Variants in RTL4 observed in about 807,000 individuals in gnomAD.
The protein encoded by RTL4 is retrotransposon Gag-like protein 4.
Under a neutral mutation model 5.3 loss-of-function variants are expected in RTL4, and 4 were observed. The observed-to-expected ratio is 0.75, with a 90% CI of 0.37 to 1.72. The LOEUF (loss-of-function observed/expected upper bound fraction) is 1.72. RTL4 is among the 40% of genes most tolerant of loss of function. RTL4 has a pLI of 0.04. For missense variants in RTL4, 260 were observed against 227.1 expected (o/e 1.14, Z -0.93); for synonymous variants, 98 against 87.3 (o/e 1.12, Z -0.68).
the RTL4 span, among the ~76,000 whole-genome samples, chrX:112,272,071 G>A: frequency 1.8e-5 from 2 of 111,752 alleles, no homozygotes; most frequent in Non-Finnish European, 3.8e-5. Flanking sequence ...AATTTCGAAT[G>A]TACAATACTG....
chrX:112,198,391 G>A, the RTL4 span, among the ~76,000 whole-genome samples: 1 of 111,392 alleles, frequency 9.0e-6, no homozygotes. Flanking sequence ...TAGGCTCCCA[G>A]TAAACATTTG....
chrX:112,249,882 G>A, the RTL4 span, among the ~76,000 whole-genome samples: 1 of 109,413 alleles, frequency 9.1e-6, no homozygotes, highest in Non-Finnish European at 1.9e-5. Context: ...ACAGAGATAA[G>A]TATTCTTGTA....
At chrX:112,452,759 C>T (rs1233123788), upstream of RTL4, among the ~76,000 whole-genome samples, 8 of 111,565 alleles carry the variant, frequency 7.2e-5, no homozygotes, top group East Asian at 2.9e-4. Context: ...TGGCCAGGTG[C>T]GGTGGCTCAC....
At chrX:112,124,447 A>T in the RTL4 span, among the ~76,000 whole-genome samples, 51 of 111,015 alleles carry the variant, frequency 4.6e-4, no homozygotes, top group African/African-American at 1.6e-3. Flanking sequence ...TAGACTGGAT[A>T]AAAAAAAATG....
At chrX:112,110,723 C>A in the RTL4 span, among the ~76,000 whole-genome samples, 6 of 112,080 alleles carry the variant, frequency 5.4e-5, no homozygotes, top group African/African-American at 1.3e-4. Context: ...TGAGTGCTAA[C>A]AGCTCTCACG....
chrX:112,436,426 C>T, the RTL4 span, among the ~76,000 whole-genome samples: 9 of 111,172 alleles, frequency 8.1e-5, no homozygotes, highest in East Asian at 8.5e-4. Flanking sequence ...AAAGTTCCAG[C>T]GCCTCGCCTT....
At chrX:112,150,752 C>T in the RTL4 span, among the ~76,000 whole-genome samples, 1 of 112,027 alleles carries the variant, frequency 8.9e-6, no homozygotes. Flanking sequence ...GATGGAATTC[C>T]GGTTAAATAA....
chrX:112,212,368 T>A, the RTL4 span, among the ~76,000 whole-genome samples: 1 of 110,916 alleles, frequency 9.0e-6, no homozygotes, highest in Non-Finnish European at 1.9e-5. Flanking sequence ...AGAGCGAGAC[T>A]CCGTCTCAAA....
At chrX:112,143,402 G>A in the RTL4 span, among the ~76,000 whole-genome samples, 1 of 111,279 alleles carries the variant, frequency 9.0e-6, no homozygotes. Flanking sequence ...TGATCACCTT[G>A]TGGGTTTTGC....
the RTL4 span, among the ~76,000 whole-genome samples, chrX:112,212,243 G>A: frequency 9.0e-6 from 1 of 111,359 alleles, no homozygotes; most frequent in East Asian, 2.9e-4. Context: ...CAGGCATGGT[G>A]GCGGGCGCCT....
the RTL4 span, among the ~76,000 whole-genome samples, chrX:112,148,323 A>G: frequency 1.1e-5 from 1 of 93,781 alleles, no homozygotes; most frequent in East Asian, 3.2e-4. Context: ...CATGTGACTG[A>G]GTGCAAAAAA....
At chrX:112,449,028 A>T in the RTL4 span, among the ~76,000 whole-genome samples, 2 of 111,903 alleles carry the variant, frequency 1.8e-5, no homozygotes, top group African/African-American at 6.5e-5. Context: ...TGTTCATGAC[A>T]CTTTTAACTT....
chrX:112,091,954 C>T, the RTL4 span, among the ~76,000 whole-genome samples: 19 of 111,377 alleles, frequency 1.7e-4, no homozygotes, highest in African/African-American at 6.2e-4. Flanking sequence ...TTAATTGACC[C>T]TTTTACCAAT....
the RTL4 span, among the ~76,000 whole-genome samples, chrX:112,197,071 G>A: frequency 9.8e-6 from 1 of 102,543 alleles, no homozygotes; most frequent in Non-Finnish European, 2.0e-5. Flanking sequence ...GAATTGCCTA[G>A]TCAGGTCCTT....
chrX:112,354,003 C>A, the RTL4 span, among the ~76,000 whole-genome samples: 3 of 110,904 alleles, frequency 2.7e-5, no homozygotes, highest in South Asian at 7.6e-4. Context: ...ACCTTTGCAG[C>A]TTTTGTGGGT....
At chrX:112,310,406 AT>A in the RTL4 span, among the ~76,000 whole-genome samples, 1 of 29,503 alleles carries the variant, frequency 3.4e-5, no homozygotes, top group African/African-American at 1.4e-4. Context: ...ATATATATAT[AT>A]ATATATATTT....
At chrX:112,433,300 T>C in the RTL4 span, among the ~76,000 whole-genome samples, 1 of 101,005 alleles carries the variant, frequency 9.9e-6, no homozygotes, top group Non-Finnish European at 2.0e-5. Flanking sequence ...GGGATGGCAT[T>C]GAATCTATAA....
the RTL4 span, among the ~76,000 whole-genome samples, chrX:112,283,001 T>G: frequency 9.0e-6 from 1 of 111,413 alleles, no homozygotes; most frequent in South Asian, 3.7e-4. Context: ...ACAACTGATA[T>G]TGGAGTTTGG....
chrX:112,309,930 C>A, the RTL4 span, among the ~76,000 whole-genome samples: 1 of 102,626 alleles, frequency 9.7e-6, no homozygotes, highest in Non-Finnish European at 2.0e-5. Context: ...ATGTGTACAC[C>A]TGTGGTTTCA....
Sources: allele counts gnomAD v4.1 joint callset (sites outside exome capture counted in the v4.1 genomes callset), GRCh38; gene constraint gnomAD v4.1.1; transcripts MANE v1.5; gene names NCBI Gene and HGNC (gene_info 2026-07-23, HGNC 2026-07-21).